The following RBL2 variants were observed in gnomAD, a reference collection of about 807,000 sequenced individuals.
The protein encoded by RBL2 is RB transcriptional corepressor like 2, also known as retinoblastoma-like protein 2.
Under a neutral mutation model 126.0 loss-of-function variants are expected in RBL2, and 56 were observed. The ratio of observed to expected loss-of-function variants is 0.44; its 90% CI spans 0.36 to 0.56. RBL2 has a LOEUF of 0.56. RBL2 is among the 20% of genes least tolerant of loss of function. The pLI is 0.00. For synonymous variants in RBL2, 454 were observed against 478.5 expected (o/e 0.95, Z 0.67); for missense variants, 1,229 against 1,398.2 (o/e 0.88, Z 1.93).
At chr16:53,462,346 T>C (rs2058229988) in intron 10 of RBL2, among the ~76,000 whole-genome samples, 1 of 152,044 alleles carries the variant, frequency 6.6e-6, no homozygotes, top group Non-Finnish European at 1.5e-5. Flanking sequence ...GCAAATTTCA[T>C]TTAATAATTT....
chr16:53,481,548 A>T, intron 20 of RBL2, 123 bp from the exon 21 acceptor site: 1 of 878,270 alleles, frequency 1.1e-6, no homozygotes, highest in South Asian at 2.0e-5. Context: ...AGTTATTGCT[A>T]ATACATCACT....
intron 20 of RBL2, 28 bp from the exon 21 acceptor site, chr16:53,481,643 G>A (rs752171929): frequency 6.7e-7 from 1 of 1,493,444 alleles, no homozygotes; most frequent in Non-Finnish European, 9.0e-7. Context: ...TTTTTTCTTA[G>A]AATTACTGAT....
chr16:53,449,044 A>G (rs935883728), intron 4 of RBL2: 7 of 152,206 alleles, frequency 4.6e-5, no homozygotes, highest in African/African-American at 1.7e-4. Context: ...TTTGTCATAC[A>G]TGACACTGGC....
intron 17 of RBL2, among the ~76,000 whole-genome samples, chr16:53,478,038 T>C (rs1043439433): frequency 6.6e-6 from 1 of 152,192 alleles, no homozygotes; most frequent in African/African-American, 2.4e-5. Flanking sequence ...CCTTCATTTC[T>C]GAAAGATAAC....
rs1349668872 is a variant in RBL2, at chr16:53,491,070, A to ATATT, written c.*772_*775dup. 3 of 152,642 alleles carry ATATT rather than the reference A, an allele frequency of 2.0e-5. No individual in the cohort carries two copies. The highest frequency in any genetic ancestry group is 7.2e-5 in the African/African-American group (3 of 41,460). The allele number at this position is 152,642 out of a possible 1,614,324, so 9.5% of individuals were successfully genotyped here. ...ATCCAATATTTTCTTTAATGCTTTT[A>ATATT]TATTTTTTTAAAATGTTAAAACCCC... On this transcript the variant is annotated 3_prime_UTR_variant, in exon 22 of 22. Coordinates refer to ENST00000262133, the MANE Select transcript of RBL2 (RefSeq NM_005611.4).
intron 21 of RBL2, among the ~76,000 whole-genome samples, chr16:53,485,261 A>C (rs1209149953): frequency 6.6e-6 from 1 of 152,224 alleles, no homozygotes. Flanking sequence ...AAATCAATAA[A>C]AGATACCTGG....
chr16:53,480,001 A>T lies in RBL2; in HGVS notation c.2881+10A>T. Reference sequence around the variant, plus strand: ...CTAAACAAAGATAGAAGTAAGTGGGATCTTTGTGAACTACAAGACAAAATT... The same window carrying T: ...CTAAACAAAGATAGAAGTAAGTGGGTTCTTTGTGAACTACAAGACAAAATT... On this transcript the variant is annotated intron_variant, in intron 19 of 21. Coordinates refer to ENST00000262133, the MANE Select transcript of RBL2 (RefSeq NM_005611.4). 6.4e-7 allele frequency: 1 copy of T among 1,558,978 alleles called. No homozygotes were observed. The highest frequency in any genetic ancestry group is 8.8e-7 in the Non-Finnish European group (1 of 1,140,932).
intron 8 of RBL2, among the ~76,000 whole-genome samples, 191 bp from the exon 9 acceptor site, chr16:53,459,260 C>T (rs1450095510): frequency 2.0e-5 from 3 of 152,094 alleles, no homozygotes; most frequent in Non-Finnish European, 2.9e-5. Flanking sequence ...TGGATATTGG[C>T]GGCTCTTAAT....
intron 8 of RBL2, among the ~76,000 whole-genome samples, chr16:53,457,024 T>C (rs1225846931): frequency 6.6e-6 from 1 of 152,080 alleles, no homozygotes; most frequent in Admixed American, 6.6e-5. Context: ...TGGCACATAG[T>C]AGACATTCGG....
chr16:53,468,999 G>A (rs898225284), intron 14 of RBL2, among the ~76,000 whole-genome samples: 2 of 152,274 alleles, frequency 1.3e-5, no homozygotes, highest in South Asian at 2.1e-4. Flanking sequence ...GGAGGCCAAG[G>A]CGGGTGGATC....
At chr16:53,438,856 A>G (rs1054432705) in intron 1 of RBL2, among the ~76,000 whole-genome samples, 160 bp from the exon 2 acceptor site, 7 of 148,058 alleles carry the variant, frequency 4.7e-5, no homozygotes, top group African/African-American at 1.8e-4. Flanking sequence ...AAAAAAAAAA[A>G]AAAAAAAAAA....
In RBL2 at chr16:53,435,605, CG is replaced by C. The variant is rs1422285063; in HGVS notation, c.240+811del. On this transcript the variant is annotated intron_variant, in intron 1 of 21. Coordinates refer to ENST00000262133, the MANE Select transcript of RBL2 (RefSeq NM_005611.4). The stretch of plus-strand genomic sequence containing the variant: ...CTTCATGGGCCAATGGGAAGTGACA[CG>C]GAAGTACGGATTGTTTATCAGCTGT... The C allele has an allele frequency of 4.0e-6, 5 of 1,265,540 alleles. No homozygotes were observed. In the East Asian group the frequency reaches 2.8e-4, roughly 71 times the overall value. The allele number at this position is 1,265,540 out of a possible 1,614,324, so 78.4% of individuals were successfully genotyped here.
At chr16:53,447,001 T>C in intron 3 of RBL2, 41 bp from the exon 4 acceptor site, 2 of 1,249,338 alleles carry the variant, frequency 1.6e-6, no homozygotes, top group Non-Finnish European at 2.2e-6. Context: ...TTTTTCTGAT[T>C]CTTCTGTTGT....
chr16:53,491,526 T>A lies in RBL2; in HGVS notation c.*1226T>A, dbSNP rs1175964207. 6.6e-6 allele frequency: 1 copy of A among 152,632 alleles called. No individual in the cohort carries two copies. The highest frequency in any genetic ancestry group is 2.4e-5 in the African/African-American group (1 of 41,460). The allele number at this position is 152,632 out of a possible 1,614,324, so 9.5% of individuals were successfully genotyped here. ...TAACTTCATATTGCTGAGAGAAATA[T>A]GGAACTTACATTGTTCAATTAGAAT... is the stretch of plus-strand genomic sequence containing the variant. On this transcript the variant is annotated 3_prime_UTR_variant, in exon 22 of 22. Transcript: ENST00000262133.
intron 21 of RBL2, among the ~76,000 whole-genome samples, chr16:53,484,768 C>T (rs556084400): frequency 4.4e-4 from 65 of 147,526 alleles, no homozygotes; most frequent in African/African-American, 1.7e-3. Flanking sequence ...GCTCTGGGAA[C>T]TCTGGGAACA....
Position 53,479,214 on chromosome 16 carries a change from G to T in RBL2, c.2764G>T (p.Ala922Ser). 1 of 1,613,530 alleles carries T rather than the reference G, an allele frequency of 6.2e-7. No homozygotes were observed. The highest frequency in any genetic ancestry group is 1.3e-5 in the African/African-American group (1 of 75,008). The change falls in exon 18 of 22, where the codon GCC (alanine) becomes TCC (serine). Residue 922 changes from alanine to serine, a missense_variant. Coordinates refer to ENST00000262133, the MANE Select transcript of RBL2 (RefSeq NM_005611.4). Reference protein sequence around the residue: ...IMRCYRTQPQARSQVYRSVLI... With the variant: ...IMRCYRTQPQSRSQVYRSVLI... The stretch of plus-strand genomic sequence containing the variant: ...GCGTTGTTATAGGACTCAGCCGCAG[G>T]CCCGGAGCCAGGTAACTACATTTTC...
rs992658042 is a variant in RBL2, at chr16:53,490,871, G to C, written c.*571G>C. The stretch of plus-strand genomic sequence containing the variant: ...CTTCCCTCTCCCCATTCGGTGTGGT[G>C]CAGTGTGAAAAGTCCTTGATTGTTC... On this transcript the variant is annotated 3_prime_UTR_variant, in exon 22 of 22. Transcript: ENST00000262133. 1.3e-5 allele frequency: 2 copies of C among 152,574 alleles called. No individual in the cohort carries two copies. The highest frequency in any genetic ancestry group is 2.9e-5 in the Non-Finnish European group (2 of 68,036). 9.5% of individuals were successfully genotyped at this position (152,574 alleles called of 1,614,324 possible).
At chr16:53,468,788 C>T (rs1360254291) in intron 14 of RBL2, among the ~76,000 whole-genome samples, 1 of 152,098 alleles carries the variant, frequency 6.6e-6, no homozygotes, top group Non-Finnish European at 1.5e-5. Context: ...CACTCTGATG[C>T]ACAGCTCTTA....
In RBL2 at chr16:53,469,926, T is replaced by G. The variant is rs773819763; in HGVS notation, c.1986T>G (p.Ser662=). ...DTGGLGRSIT[S]PTTLYDRYSS... ...TTGTTTTGACCCTAGGCATAACATCTCCAACCACATTATACGATAGGTACA... is the reference window on the plus strand; with the variant it reads ...TTGTTTTGACCCTAGGCATAACATCGCCAACCACATTATACGATAGGTACA... Residue 662 remains serine (S), a synonymous_variant, in exon 15 of 22, where the codon TCT becomes TCG. Transcript: ENST00000262133. 36 of 1,566,710 alleles carry G rather than the reference T, an allele frequency of 2.3e-5. 1 individual carries two copies. In the South Asian group the frequency reaches 2.3e-4, roughly 10 times the overall value.
Sources: gnomAD v4.1 joint callset for allele counts (sites outside exome capture counted in the v4.1 genomes callset) on GRCh38, gnomAD v4.1.1 for gene constraint, MANE v1.5 for transcripts, NCBI Gene and HGNC (gene_info 2026-07-23, HGNC 2026-07-21) for gene names.